The following VWA3A variants were observed in gnomAD, a reference collection of about 807,000 sequenced individuals.
The protein encoded by VWA3A is von Willebrand factor A domain-containing protein 3A.
VWA3A carries 134 observed loss-of-function variants against 160.4 expected under a neutral mutation model. The ratio of observed to expected loss-of-function variants is 0.84; its 90% CI spans 0.73 to 0.96. VWA3A has a LOEUF of 0.96. Ranked by LOEUF, VWA3A falls within the 40% of genes least tolerant of loss-of-function variation. VWA3A has a pLI of 0.00. For missense variants in VWA3A, 1,310 were observed against 1,447.9 expected (o/e 0.90, Z 1.55); for synonymous variants, 476 against 543.4 (o/e 0.88, Z 1.72).
At chr16:22,097,064 C>A (rs936538558) in intron 2 of VWA3A, 119 bp downstream of exon 2, 1 of 640,922 alleles carries the variant, frequency 1.6e-6, no homozygotes, top group African/African-American at 1.9e-5. Context: ...CCTCCGGGTT[C>A]ATGCCATTCC....
chr16:22,131,990 G>A (rs2045957389), intron 19 of VWA3A, among the ~76,000 whole-genome samples: 1 of 152,130 alleles, frequency 6.6e-6, no homozygotes, highest in Admixed American at 6.6e-5. Flanking sequence ...CAGCTACTCA[G>A]GAGGCTGGGG....
intron 28 of VWA3A, among the ~76,000 whole-genome samples, chr16:22,148,785 C>T (rs531786455): frequency 3.4e-4 from 51 of 152,028 alleles, no homozygotes; most frequent in Middle Eastern, 6.8e-3. Flanking sequence ...AAAAAAGGAA[C>T]GCAATTTTTA....
intron 17 of VWA3A, 87 bp from the exon 18 acceptor site, chr16:22,131,118 C>G (rs946151119): frequency 3.2e-5 from 39 of 1,222,532 alleles, no homozygotes; most frequent in Non-Finnish European, 4.4e-5. Context: ...GAATTTTGTC[C>G]CCACTAAAAG....
chr16:22,108,036 G>A (rs995756527), intron 6 of VWA3A, among the ~76,000 whole-genome samples: 11 of 152,236 alleles, frequency 7.2e-5, no homozygotes, highest in Non-Finnish European at 1.0e-4. Context: ...CTCAGAGTTC[G>A]GGAAAGTCAA....
At chr16:22,154,174 A>C (rs79007116) in intron 31 of VWA3A, among the ~76,000 whole-genome samples, 3,370 of 152,182 alleles carry the variant, frequency 0.022, 115 homozygotes, top group African/African-American at 0.077. Flanking sequence ...AAGCGTCCTT[A>C]TTACACAGGA....
chr16:22,148,071 C>A, intron 27 of VWA3A, 91 bp from the exon 28 acceptor site: 2 of 1,442,972 alleles, frequency 1.4e-6, no homozygotes, highest in Non-Finnish European at 1.8e-6. Flanking sequence ...TGTCACAAGA[C>A]TTTATACTTG....
At chr16:22,131,451 G>A in intron 18 of VWA3A, 134 bp from the exon 19 acceptor site, 2 of 1,465,506 alleles carry the variant, frequency 1.4e-6, no homozygotes, top group Non-Finnish European at 1.8e-6. Flanking sequence ...TCCCCACCTG[G>A]CCATCTTCAC....
rs943285682 is a variant in VWA3A, at chr16:22,125,573, G to A, written c.1533-605G>A. ...CAAGTAGCTGGGACTACAGTCGCCC[G>A]CCACCACGCTCGGCTAATTTTTTTT... On this transcript the variant is annotated intron_variant, in intron 16 of 33. Coordinates refer to ENST00000389398, the MANE Select transcript of VWA3A (RefSeq NM_173615.5). Among the ~76,000 whole-genome samples the A allele has an allele frequency of 2.5e-4, 38 of 151,900 alleles. No individual in the cohort carries two copies. In the Middle Eastern group the frequency reaches 0.01, roughly 41 times the overall value.
chr16:22,134,390 C>A lies in VWA3A; in HGVS notation c.2091C>A (p.Ile697=). Residue 697 remains isoleucine (I), a synonymous_variant, in exon 21 of 34, where the codon ATC becomes ATA. Transcript: ENST00000389398. ...GDTGIYESDD[I]NSIMSEMEKA... is the part of the protein sequence containing the mutation. ...CAGGCATTTATGAGAGCGATGACAT[C>A]AACTCCATCATGTCTGAGATGGAAA... is the stretch of plus-strand genomic sequence containing the variant. 1 of 1,599,652 alleles carries A rather than the reference C, an allele frequency of 6.3e-7. No individual in the cohort carries two copies. Among genetic ancestry groups the A allele is most frequent in the Non-Finnish European group, 8.5e-7 (1 of 1,172,722 alleles).
chr16:22,141,826 T>G (rs918951195), intron 24 of VWA3A, 134 bp downstream of exon 24: 30 of 670,718 alleles, frequency 4.5e-5, no homozygotes, highest in Non-Finnish European at 6.9e-5. Context: ...GAGCAAGCCG[T>G]ACTCAACTCA....
At chr16:22,132,870 T>C in intron 19 of VWA3A, 30 bp from the exon 20 acceptor site, 2 of 1,597,098 alleles carry the variant, frequency 1.3e-6, no homozygotes, top group Non-Finnish European at 1.7e-6. Flanking sequence ...CCTCAGCTGC[T>C]GGCCCCTCCT....
Position 22,149,953 on chromosome 16 carries a change from G to C in VWA3A, c.3129+22G>C, listed in dbSNP as rs375727501. ...GCTGGCAAGTCCCACCACGGAGCCC[G>C]ACCTTGACGCAAAACAAATACCATC... On this transcript the variant is annotated intron_variant, in intron 29 of 33. Coordinates refer to ENST00000389398, the MANE Select transcript of VWA3A (RefSeq NM_173615.5). 3.2e-6 allele frequency: 5 copies of C among 1,586,020 alleles called. No individual in the cohort carries two copies. In the African/African-American group the frequency reaches 6.7e-5, roughly 21 times the overall value.
At chr16:22,116,399 G>A (rs1190638123) in intron 9 of VWA3A, 1 of 436,634 alleles carries the variant, frequency 2.3e-6, no homozygotes, top group Non-Finnish European at 4.4e-6. Flanking sequence ...AAAGAAGGAA[G>A]AGAGAGAAAA....
At chr16:22,102,187 C>CA (rs2045416804) in intron 5 of VWA3A, among the ~76,000 whole-genome samples, 1 of 152,014 alleles carries the variant, frequency 6.6e-6, no homozygotes, top group East Asian at 1.9e-4. Context: ...CCCAACTCTA[C>CA]AAAAAATATA....
chr16:22,131,218 A>G lies in VWA3A; in HGVS notation c.1666A>G (p.Ile556Val), dbSNP rs200908247. ...CFNLIAFGST[I>V]ESWRPEMVPV... ...TGCTTCTTAAAGGTTTGGAAGCACA[A>G]TTGAAAGCTGGAGGCCTGAGATGGT... is the stretch of plus-strand genomic sequence containing the variant. Residue 556 changes from isoleucine (I) to valine (V), a missense_variant, in exon 18 of 34, where the codon ATT becomes GTT. Transcript: ENST00000389398. The G allele has an allele frequency of 3.7e-5, 59 of 1,613,858 alleles. No individual in the cohort carries two copies. The highest frequency in any genetic ancestry group is 2.7e-4 in the East Asian group (12 of 44,898).
chr16:22,155,132 C>G (rs1170859183), intron 31 of VWA3A, among the ~76,000 whole-genome samples: 2 of 152,054 alleles, frequency 1.3e-5, no homozygotes, highest in Admixed American at 1.3e-4. Context: ...GCAGCCAGGA[C>G]AACAGAGCAA....
intron 33 of VWA3A, 23 bp downstream of exon 33, chr16:22,155,939 A>G (rs759298511): frequency 1.2e-6 from 2 of 1,611,214 alleles, no homozygotes; most frequent in Admixed American, 3.3e-5. Flanking sequence ...GCTAGACCCC[A>G]TACTACCTGA....
rs756570546 is a variant in VWA3A, at chr16:22,116,831, C to T, written c.888C>T (p.His296=). ...CCATGGGAAGAGACCTCATCATCCA[C>T]TTCATCACCTACAGATGCGATGATC... ...QSTMGRDLII[H]FITYRCDDQM... is the part of the protein sequence containing the mutation. The change falls in exon 10 of 34, where the codon CAC becomes CAT. Residue 296 remains histidine (H), a synonymous_variant. Coordinates refer to ENST00000389398, the MANE Select transcript of VWA3A (RefSeq NM_173615.5). The T allele has an allele frequency of 1.2e-6, 2 of 1,613,436 alleles. No individual in the cohort carries two copies. Among genetic ancestry groups the T allele is most frequent in the South Asian group, 1.1e-5 (1 of 91,086 alleles).
intron 22 of VWA3A, among the ~76,000 whole-genome samples, chr16:22,139,493 A>G (rs891226749): frequency 3.3e-5 from 5 of 152,174 alleles, no homozygotes; most frequent in Non-Finnish European, 7.3e-5. Context: ...CAAGAGATCA[A>G]GACCATCCTG....
Sources: gnomAD v4.1 joint callset for allele counts (sites outside exome capture counted in the v4.1 genomes callset) on GRCh38, gnomAD v4.1.1 for gene constraint, MANE v1.5 for transcripts, NCBI Gene and HGNC (gene_info 2026-07-23, HGNC 2026-07-21) for gene names.